The following CTNNA2 variants were observed in gnomAD, a reference collection of about 807,000 sequenced individuals.
The protein encoded by CTNNA2 is catenin alpha 2.
A neutral mutation model predicts 101.0 loss-of-function variants in CTNNA2; 42 were observed. The ratio of observed to expected loss-of-function variants is 0.42; its 90% CI spans 0.32 to 0.54. CTNNA2 has a LOEUF of 0.54. Among genes scored for constraint, CTNNA2 ranks in the 20% least tolerant of loss-of-function variants. CTNNA2 has a pLI of 0.14. For synonymous variants in CTNNA2, 450 were observed against 456.4 expected (o/e 0.99, Z 0.18); for missense variants, 871 against 1,223.1 (o/e 0.71, Z 4.29).
intron 9 of CTNNA2, among the ~76,000 whole-genome samples, chr2:80,475,663 G>T (rs1046224997): frequency 1.3e-5 from 2 of 152,040 alleles, no homozygotes; most frequent in Middle Eastern, 3.2e-3. Flanking sequence ...TGATGACTTT[G>T]TTCACATATG....
At chr2:79,398,745 G>A (rs1678257589) in intron 4 of CTNNA2, among the ~76,000 whole-genome samples, 1 of 150,904 alleles carries the variant, frequency 6.6e-6, no homozygotes, top group South Asian at 2.1e-4. Context: ...CAATAACAGG[G>A]ATATTGGCCC....
chr2:79,461,832 C>T (rs1287360736), intron 4 of CTNNA2, among the ~76,000 whole-genome samples: 1 of 151,664 alleles, frequency 6.6e-6, no homozygotes, highest in Non-Finnish European at 1.5e-5. Flanking sequence ...AAAAGAAAAA[C>T]ATGAAAATGA....
chr2:79,898,851 C>T (rs1684887461), intron 6 of CTNNA2, among the ~76,000 whole-genome samples: 1 of 152,060 alleles, frequency 6.6e-6, no homozygotes, highest in African/African-American at 2.4e-5. Flanking sequence ...CTTTGGTTCT[C>T]TTTCACAAGC....
intron 2 of CTNNA2, among the ~76,000 whole-genome samples, chr2:79,291,644 C>G (rs1675819658): frequency 1.3e-5 from 2 of 152,112 alleles, no homozygotes. Flanking sequence ...GGCTACTGGT[C>G]CCTGTCTTTT....
At chr2:79,413,800 C>T (rs950518557) in intron 4 of CTNNA2, among the ~76,000 whole-genome samples, 13 of 151,852 alleles carry the variant, frequency 8.6e-5, no homozygotes, top group African/African-American at 2.7e-4. Flanking sequence ...CTTTAATTTG[C>T]ATATCCTGAT....
At chr2:79,521,685 G>GT (rs763568576) in intron 1 of CTNNA2, among the ~76,000 whole-genome samples, 25 of 152,270 alleles carry the variant, frequency 1.6e-4, no homozygotes, top group Non-Finnish European at 2.8e-4. Flanking sequence ...AGCAGTGTTT[G>GT]TTACAATTTG....
At chr2:80,428,072 G>A (rs1053923047) in intron 9 of CTNNA2, among the ~76,000 whole-genome samples, 6 of 152,198 alleles carry the variant, frequency 3.9e-5, no homozygotes, top group Admixed American at 6.5e-5. Flanking sequence ...AAATGGAGAT[G>A]TGAAGGGAGT....
chr2:80,146,938 TA>T (rs1703386329), intron 7 of CTNNA2, among the ~76,000 whole-genome samples: 3 of 106,986 alleles, frequency 2.8e-5, no homozygotes, highest in African/African-American at 1.0e-4. Context: ...TTTTGTATTT[TA>T]TTTATTTATT....
chr2:80,080,948 TAAAAAAAAA>T lies in CTNNA2; in HGVS notation c.1056+171167_1056+171175del, dbSNP rs79785271. Among the ~76,000 whole-genome samples the T allele has an allele frequency of 5.6e-3, 488 of 87,562 alleles. 1 individual carries two copies. The highest frequency in any genetic ancestry group is 0.01 in the Middle Eastern group (1 of 100). 57.4% of individuals were successfully genotyped at this position (87,562 alleles called of 152,430 possible). A position where few individuals can be genotyped will look rare whatever the true frequency, so the allele number is the denominator to read the frequency against. The stretch of plus-strand genomic sequence containing the variant: ...TCACAGGCGCACACATTCTCCCACT[TAAAAAAAAA>T]AAAAAAAAAAAAAAAGAAATGCTTG... On this transcript the variant is annotated intron_variant, in intron 7 of 18. Coordinates refer to ENST00000402739, the MANE Select transcript of CTNNA2 (RefSeq NM_001282597.3).
At chr2:80,162,446 T>C (rs1247254899) in intron 7 of CTNNA2, 1 of 1,581,750 alleles carries the variant, frequency 6.3e-7, no homozygotes, top group South Asian at 1.1e-5. Context: ...TTTTAACATG[T>C]GTTAGTGTCG....
intron 15 of CTNNA2, among the ~76,000 whole-genome samples, chr2:80,594,260 T>G (rs1696757182): frequency 6.6e-6 from 1 of 152,168 alleles, no homozygotes; most frequent in East Asian, 1.9e-4. Flanking sequence ...TGAACAACTT[T>G]CCTATGCTTA....
At chr2:80,374,384 A>G (rs1173796878) in intron 7 of CTNNA2, among the ~76,000 whole-genome samples, 6 of 152,184 alleles carry the variant, frequency 3.9e-5, no homozygotes, top group Non-Finnish European at 8.8e-5. Flanking sequence ...CTGAAGGAAC[A>G]TGATTTTGTT....
intron 7 of CTNNA2, among the ~76,000 whole-genome samples, chr2:80,211,656 C>T (rs1167637415): frequency 6.6e-6 from 1 of 152,132 alleles, no homozygotes; most frequent in Non-Finnish European, 1.5e-5. Flanking sequence ...AGCATGATGC[C>T]TCTAGCTTTG....
intron 3 of CTNNA2, among the ~76,000 whole-genome samples, chr2:79,359,697 G>A (rs973830769): frequency 1.3e-5 from 2 of 152,136 alleles, no homozygotes; most frequent in African/African-American, 4.8e-5. Flanking sequence ...CTCACTTTCA[G>A]AAGAAGGTAG....
At chr2:79,994,390 C>G (rs1032231628) in intron 7 of CTNNA2, among the ~76,000 whole-genome samples, 6 of 152,182 alleles carry the variant, frequency 3.9e-5, no homozygotes, top group Non-Finnish European at 8.8e-5. Flanking sequence ...TACTTTGTCG[C>G]TTGTTTCCTC....
At chr2:80,357,839 T>A (rs147108291) in intron 7 of CTNNA2, among the ~76,000 whole-genome samples, 1 of 152,284 alleles carries the variant, frequency 6.6e-6, no homozygotes, top group Admixed American at 6.5e-5. Context: ...AGCTACTGCC[T>A]GACCCAGAAC....
chr2:80,428,032 G>A (rs1047138706), intron 9 of CTNNA2, among the ~76,000 whole-genome samples: 4 of 152,200 alleles, frequency 2.6e-5, no homozygotes, highest in African/African-American at 7.2e-5. Context: ...ATGTGAGGTC[G>A]GGAAAGTCTT....
chr2:79,832,861 TCTC>T (rs1679026903), intron 3 of CTNNA2, among the ~76,000 whole-genome samples: 1 of 152,194 alleles, frequency 6.6e-6, no homozygotes, highest in Admixed American at 6.5e-5. Flanking sequence ...TCCAGACAGT[TCTC>T]CTTCGACCAT....
At chr2:80,593,342 TG>T (rs200458001) in intron 15 of CTNNA2, among the ~76,000 whole-genome samples, 6,133 of 151,960 alleles carry the variant, frequency 0.04, 157 homozygotes, top group African/African-American at 0.074. Flanking sequence ...TTTTTTCTTT[TG>T]TTTTTTTGTT....
Sources: allele counts gnomAD v4.1 joint callset (sites outside exome capture counted in the v4.1 genomes callset), GRCh38; gene constraint gnomAD v4.1.1; transcripts MANE v1.5; gene names NCBI Gene and HGNC (gene_info 2026-07-23, HGNC 2026-07-21).